The following NAV3 variants were observed in gnomAD, a reference collection of about 807,000 sequenced individuals.
The protein encoded by NAV3 is pore membrane and/or filament interacting like protein 1.
A neutral mutation model predicts 244.7 loss-of-function variants in NAV3; 87 were observed. The ratio of observed to expected loss-of-function variants is 0.36; its 90% CI spans 0.30 to 0.42. NAV3 has a LOEUF of 0.42. NAV3 is among the 20% of genes least tolerant of loss of function. The pLI is 1.00. For synonymous variants in NAV3, 1,126 were observed against 1,042.2 expected (o/e 1.08, Z -1.55); for missense variants, 2,663 against 2,893.3 (o/e 0.92, Z 1.83).
chr12:77,835,504 A>G (rs1363118663), intron 1 of NAV3, among the ~76,000 whole-genome samples: 2 of 152,204 alleles, frequency 1.3e-5, no homozygotes, highest in Admixed American at 1.3e-4. Flanking sequence ...TGTTTCAATT[A>G]GTGCAAATGC....
chr12:77,941,067 T>A lies in NAV3; in HGVS notation c.362-14T>A. 6.5e-7 allele frequency: 1 copy of A among 1,540,024 alleles called. No homozygotes were observed. The highest frequency in any genetic ancestry group is 1.8e-5 in the Admixed American group (1 of 54,610). On this transcript the variant is annotated splice_polypyrimidine_tract_variant and intron_variant, in intron 2 of 39. Coordinates refer to ENST00000397909, the MANE Select transcript of NAV3 (RefSeq NM_001024383.2). ...TTCTTTTTTTCTCTCTTTTATTTTATCTCTTGGCTTTAGCAAATGAAAAAG... is the reference window on the plus strand; with the variant it reads ...TTCTTTTTTTCTCTCTTTTATTTTAACTCTTGGCTTTAGCAAATGAAAAAG...
chr12:77,869,490 C>T lies in NAV3; in HGVS notation c.243+37786C>T, dbSNP rs187128689. Among the ~76,000 whole-genome samples the T allele has an allele frequency of 2.2e-3, 328 of 152,278 alleles. 1 individual carries two copies. The highest frequency in any genetic ancestry group is 3.9e-3 in the Admixed American group (59 of 15,304). ...ATTTGTCTTAATGCATATGACCCTACTCATGTCAACTATTTGGAACATGAC... is the reference window on the plus strand; with the variant it reads ...ATTTGTCTTAATGCATATGACCCTATTCATGTCAACTATTTGGAACATGAC... On this transcript the variant is annotated intron_variant, in intron 1 of 39. Coordinates refer to ENST00000397909, the MANE Select transcript of NAV3 (RefSeq NM_001024383.2).
chr12:77,577,989 C>G lies in NAV3; in HGVS notation c.72+5723C>G, dbSNP rs1216020897. The stretch of plus-strand genomic sequence containing the variant: ...TTTTTGTGGTTTTCTTACAGAGGGA[C>G]TGACTAATTGTCTCCAAAATTGATT... On this transcript the variant is annotated intron_variant, in intron 2 of 8. Transcript: ENST00000550042. Among the ~76,000 whole-genome samples the G allele has an allele frequency of 4.6e-5, 7 of 152,082 alleles. No homozygotes were observed. The East Asian group carries it at 1.4e-3, about 29-fold the overall frequency.
chr12:77,592,219 T>C (rs776040454), intron 2 of NAV3, among the ~76,000 whole-genome samples: 1 of 152,196 alleles, frequency 6.6e-6, no homozygotes, highest in African/African-American at 2.4e-5. Flanking sequence ...TGGCTGGGGC[T>C]GAAAGTGCAC....
chr12:78,010,499 C>T (rs1875079868), intron 8 of NAV3, among the ~76,000 whole-genome samples: 1 of 152,074 alleles, frequency 6.6e-6, no homozygotes, highest in African/African-American at 2.4e-5. Flanking sequence ...TGTCATCCCC[C>T]ATTTTCCAGA....
At chr12:78,000,183 T>C (rs944666070) in intron 7 of NAV3, among the ~76,000 whole-genome samples, 7 of 152,208 alleles carry the variant, frequency 4.6e-5, no homozygotes, top group African/African-American at 1.7e-4. Flanking sequence ...TCCCTATCTA[T>C]GCTTAGAAGG....
chr12:77,962,846 G>C (rs957635181), intron 3 of NAV3, among the ~76,000 whole-genome samples: 10 of 152,094 alleles, frequency 6.6e-5, no homozygotes, highest in African/African-American at 2.2e-4. Context: ...GTATTATTCC[G>C]TGAAACTTTG....
At chr12:78,153,177 A>G (rs897190995) in intron 22 of NAV3, among the ~76,000 whole-genome samples, 4 of 152,142 alleles carry the variant, frequency 2.6e-5, no homozygotes, top group East Asian at 1.9e-4. Context: ...TTTGAAATGC[A>G]TCTATGTCTC....
intron 23 of NAV3, among the ~76,000 whole-genome samples, chr12:78,166,854 C>T (rs1431632241): frequency 2.0e-5 from 3 of 151,592 alleles, no homozygotes; most frequent in African/African-American, 7.3e-5. Flanking sequence ...AGGTCTCATT[C>T]CCAATTTTTT....
chr12:77,873,492 A>G (rs1197001915), intron 1 of NAV3, among the ~76,000 whole-genome samples: 1 of 151,568 alleles, frequency 6.6e-6, no homozygotes, highest in African/African-American at 2.4e-5. Flanking sequence ...GAAGTTATAA[A>G]TCATAATTTG....
intron 12 of NAV3, among the ~76,000 whole-genome samples, chr12:78,113,803 C>T (rs1200948395): frequency 2.6e-5 from 4 of 152,172 alleles, no homozygotes; most frequent in African/African-American, 9.7e-5. Flanking sequence ...TTGAATTTCT[C>T]CTCAGAAAAT....
intron 2 of NAV3, among the ~76,000 whole-genome samples, chr12:77,667,703 T>C (rs1873779858): frequency 6.6e-6 from 1 of 152,034 alleles, no homozygotes; most frequent in African/African-American, 2.4e-5. Flanking sequence ...ATATAATCTC[T>C]TGGTAGCTCT....
intron 5 of NAV3, 65 bp from the exon 6 acceptor site, chr12:77,994,738 T>C (rs368116824): frequency 5.2e-5 from 67 of 1,282,334 alleles, no homozygotes; most frequent in Non-Finnish European, 7.1e-5. Context: ...TTCTTGTAAG[T>C]TTGTGCTTTC....
intron 2 of NAV3, among the ~76,000 whole-genome samples, chr12:77,635,383 C>A (rs1192405482): frequency 6.6e-6 from 1 of 152,094 alleles, no homozygotes; most frequent in Non-Finnish European, 1.5e-5. Flanking sequence ...ATTTGAAGGA[C>A]AAATTTGCCT....
chr12:77,598,638 G>C (rs903256442), intron 2 of NAV3, among the ~76,000 whole-genome samples: 1 of 151,892 alleles, frequency 6.6e-6, no homozygotes, highest in South Asian at 2.1e-4. Context: ...TGGAGAATTT[G>C]GTCATATGGA....
intron 2 of NAV3, among the ~76,000 whole-genome samples, chr12:77,788,961 A>G (rs766297771): frequency 5.3e-5 from 8 of 152,116 alleles, no homozygotes; most frequent in South Asian, 4.1e-4. Context: ...CTGAAAACCA[A>G]CCGAGATGCT....
chr12:77,691,102 T>C (rs1025707080), intron 2 of NAV3, among the ~76,000 whole-genome samples: 2 of 150,634 alleles, frequency 1.3e-5, no homozygotes, highest in African/African-American at 2.4e-5. Flanking sequence ...GGTTGAATAT[T>C]GCTGTTTTAC....
At chr12:77,831,962 CTAGT>C (rs1194659210) in intron 1 of NAV3, among the ~76,000 whole-genome samples, 6 of 152,038 alleles carry the variant, frequency 3.9e-5, no homozygotes, top group Admixed American at 2.6e-4. Flanking sequence ...TGATGAATGC[CTAGT>C]TAGTTCTAGA....
chr12:78,071,504 T>G (rs1323710655), intron 12 of NAV3, among the ~76,000 whole-genome samples: 3 of 152,134 alleles, frequency 2.0e-5, no homozygotes, highest in Non-Finnish European at 4.4e-5. Flanking sequence ...TTTTGTAGGT[T>G]GCCTGTTCAC....
Sources: gnomAD v4.1 joint callset for allele counts (sites outside exome capture counted in the v4.1 genomes callset) on GRCh38, gnomAD v4.1.1 for gene constraint, MANE v1.5 for transcripts, NCBI Gene and HGNC (gene_info 2026-07-23, HGNC 2026-07-21) for gene names.